Variants in SORCS3 observed in about 807,000 individuals in gnomAD.
SORCS3 encodes VPS10 domain-containing receptor SorCS3.
A neutral mutation model predicts 146.3 loss-of-function variants in SORCS3; 57 were observed. That is an observed-to-expected ratio of 0.39 (90% CI 0.31 to 0.49). The LOEUF is 0.49. Among genes scored for constraint, SORCS3 ranks in the 20% least tolerant of loss-of-function variants. The probability of loss-of-function intolerance (pLI) is 0.92; values close to 1 mark genes in which losing one functional copy is unlikely to be tolerated. For missense variants in SORCS3, 1,341 were observed against 1,575.5 expected (o/e 0.85, Z 2.52); for synonymous variants, 653 against 618.5 (o/e 1.06, Z -0.83).
At chr10:104,724,735 A>G (rs972583903) in intron 1 of SORCS3, among the ~76,000 whole-genome samples, 8 of 152,088 alleles carry the variant, frequency 5.3e-5, no homozygotes, top group African/African-American at 1.7e-4. Context: ...TTGATCTTCC[A>G]TCACTGATAC....
chr10:105,024,267 T>C (rs2055214002), intron 4 of SORCS3, among the ~76,000 whole-genome samples: 1 of 152,180 alleles, frequency 6.6e-6, no homozygotes, highest in African/African-American at 2.4e-5. Context: ...TTTGTGAGTG[T>C]CCTTACTGGT....
chr10:104,959,485 C>T (rs141730472), intron 3 of SORCS3, among the ~76,000 whole-genome samples: 26 of 152,194 alleles, frequency 1.7e-4, no homozygotes, highest in Middle Eastern at 3.4e-3. Context: ...TCATCAGATG[C>T]TGAATCTGCC....
chr10:104,694,710 G>A (rs978126624), intron 1 of SORCS3, among the ~76,000 whole-genome samples: 8 of 152,130 alleles, frequency 5.3e-5, no homozygotes, highest in Admixed American at 4.6e-4. Context: ...CTTAACTCCT[G>A]CCTAGCCTTC....
chr10:104,773,246 C>G (rs1320682173), intron 1 of SORCS3, among the ~76,000 whole-genome samples: 2 of 152,136 alleles, frequency 1.3e-5, no homozygotes, highest in Non-Finnish European at 2.9e-5. Flanking sequence ...TTGCAGCATG[C>G]TAGCATGTGT....
chr10:104,860,683 A>T (rs1218788929), intron 2 of SORCS3, among the ~76,000 whole-genome samples: 1 of 152,212 alleles, frequency 6.6e-6, no homozygotes, highest in Non-Finnish European at 1.5e-5. Context: ...AGTGCTTTAC[A>T]TATGTTTAAC....
chr10:104,651,533 TAAA>T (rs34352025), intron 1 of SORCS3, among the ~76,000 whole-genome samples: 2 of 112,674 alleles, frequency 1.8e-5, no homozygotes, highest in African/African-American at 7.0e-5. Flanking sequence ...CGGGCTCTAC[TAAA>T]AAAAAAAAAA....
chr10:104,756,372 G>A (rs1316538525), intron 1 of SORCS3, among the ~76,000 whole-genome samples: 2 of 152,190 alleles, frequency 1.3e-5, no homozygotes, highest in Non-Finnish European at 2.9e-5. Context: ...ATAAAAGAAT[G>A]TCTGAATAGT....
At chr10:104,911,251 T>C (rs1817571530) in intron 2 of SORCS3, among the ~76,000 whole-genome samples, 1 of 152,214 alleles carries the variant, frequency 6.6e-6, no homozygotes, top group African/African-American at 2.4e-5. Flanking sequence ...AGGGCACTGT[T>C]GGTTCCATAG....
intron 1 of SORCS3, among the ~76,000 whole-genome samples, chr10:104,742,691 C>G (rs1446324927): frequency 6.6e-6 from 1 of 152,210 alleles, no homozygotes; most frequent in Non-Finnish European, 1.5e-5. Flanking sequence ...CAGCAGACCT[C>G]TGGACACTAA....
At chr10:104,822,676 G>C (rs1302862162) in intron 1 of SORCS3, among the ~76,000 whole-genome samples, 1 of 152,172 alleles carries the variant, frequency 6.6e-6, no homozygotes, top group Non-Finnish European at 1.5e-5. Flanking sequence ...CTGGAGGAGA[G>C]CAATTCCTCT....
intron 1 of SORCS3, among the ~76,000 whole-genome samples, chr10:104,782,748 C>G (rs965250128): frequency 3.2e-4 from 48 of 152,150 alleles, no homozygotes; most frequent in African/African-American, 1.1e-3. Context: ...TCGGGAAAAT[C>G]ACATTATCTT....
chr10:105,239,940 T>C (rs1350103726), intron 20 of SORCS3, among the ~76,000 whole-genome samples: 3 of 152,120 alleles, frequency 2.0e-5, no homozygotes, highest in African/African-American at 7.2e-5. Flanking sequence ...CAAAAGCAAT[T>C]TGGAAAACAA....
intron 4 of SORCS3, among the ~76,000 whole-genome samples, chr10:105,010,263 G>C (rs577408358): frequency 6.6e-6 from 1 of 152,334 alleles, no homozygotes; most frequent in Non-Finnish European, 1.5e-5. Flanking sequence ...GAATGGCAGG[G>C]ATTGTTGATA....
intron 1 of SORCS3, among the ~76,000 whole-genome samples, chr10:104,654,560 T>G (rs764786246): frequency 6.6e-6 from 1 of 152,202 alleles, no homozygotes; most frequent in Non-Finnish European, 1.5e-5. Context: ...GATCAGGAGA[T>G]CCACTTTTAA....
chr10:104,787,599 C>A (rs928091173), intron 1 of SORCS3, among the ~76,000 whole-genome samples: 1 of 152,038 alleles, frequency 6.6e-6, no homozygotes, highest in African/African-American at 2.4e-5. Context: ...CTTGGTGGAG[C>A]AGGGTGGGCA....
intron 1 of SORCS3, among the ~76,000 whole-genome samples, chr10:104,797,783 T>C (rs2017574249): frequency 6.6e-6 from 1 of 152,168 alleles, no homozygotes; most frequent in Non-Finnish European, 1.5e-5. Context: ...AGTTGAAATA[T>C]TGTCCCCCTC....
intron 13 of SORCS3, among the ~76,000 whole-genome samples, chr10:105,172,329 G>T (rs546147136): frequency 6.6e-6 from 1 of 152,122 alleles, no homozygotes; most frequent in Non-Finnish European, 1.5e-5. Context: ...TTTATCTAGC[G>T]TTAGAATAGG....
At chr10:104,642,022 G>GGGGGGGGGGGGGGGGGA in intron 1 of SORCS3, 68 bp downstream of exon 1, 1 of 173,336 alleles carries the variant, frequency 5.8e-6, no homozygotes, top group Non-Finnish European at 1.1e-5. Context: ...GGGTGGGTGG[G>GGGGGGGGGGGGGGGGGA]AGCGAGGGAC....
chr10:104,936,754 C>T (rs575618636), intron 3 of SORCS3, among the ~76,000 whole-genome samples: 18 of 152,292 alleles, frequency 1.2e-4, no homozygotes, highest in Admixed American at 5.9e-4. Flanking sequence ...TGCAAGTAAA[C>T]CCAGACTGCT....
Sources: allele counts gnomAD v4.1 joint callset (sites outside exome capture counted in the v4.1 genomes callset), GRCh38; gene constraint gnomAD v4.1.1; transcripts MANE v1.5; gene names NCBI Gene and HGNC (gene_info 2026-07-23, HGNC 2026-07-21).